The following TPCN2 variants were observed in gnomAD, a reference collection of about 807,000 sequenced individuals.
TPCN2 encodes two pore channel protein 2.
In TPCN2, 92 loss-of-function variants were observed where a neutral mutation model predicts 111.4. That is an observed-to-expected ratio of 0.83 (90% CI 0.70 to 0.98). The LOEUF is 0.98. TPCN2 is among the 50% of genes least tolerant of loss of function. The pLI is 0.00. For missense variants in TPCN2, 995 were observed against 980.1 expected, an observed-to-expected ratio of 1.02 and a Z score of -0.20; for synonymous variants, 405 against 414.5, an observed-to-expected ratio of 0.98 and a Z score of 0.28.
At chr11:69,084,043 G>T (rs772980864) in intron 19 of TPCN2, 27 bp downstream of exon 19, 1 of 1,612,380 alleles carries the variant, frequency 6.2e-7, no homozygotes, top group Non-Finnish European at 8.5e-7. Context: ...TGCTGGTGGC[G>T]GGTTATGCAC....
Position 69,088,161 on chromosome 11 carries a change from G to A in TPCN2, c.*208G>A, listed in dbSNP as rs1006780055. On this transcript the variant is annotated 3_prime_UTR_variant, in exon 25 of 25. Coordinates refer to ENST00000294309, the MANE Select transcript of TPCN2 (RefSeq NM_139075.4). ...ACAGCTGCTGGTGCTTCAGGGAGGC[G>A]CCGTGCCCTCCGCTTTCTTTTATAG... 69 of 550,930 alleles carry A rather than the reference G, an allele frequency of 1.3e-4. 1 individual carries two copies. Among genetic ancestry groups the A allele is most frequent in the Non-Finnish European group, 2.6e-5 (8 of 309,264 alleles). The allele number at this position is 550,930 out of a possible 1,614,324, so 34.1% of individuals were successfully genotyped here.
intron 13 of TPCN2, among the ~76,000 whole-genome samples, chr11:69,074,093 A>G (rs1456833198): frequency 6.6e-6 from 1 of 152,210 alleles, no homozygotes; most frequent in African/African-American, 2.4e-5. Context: ...TTCGAGGGAG[A>G]CAAAATTCAA....
At chr11:69,063,097 C>A in intron 6 of TPCN2, 107 bp downstream of exon 6, 2 of 943,482 alleles carry the variant, frequency 2.1e-6, no homozygotes, top group Non-Finnish European at 3.3e-6. Context: ...GGACTGCGTG[C>A]TCCGCATCCC....
Position 69,054,045 on chromosome 11 carries a change from G to C in TPCN2, c.122G>C (p.Arg41Thr). The C allele has an allele frequency of 1.2e-6, 2 of 1,613,904 alleles. No homozygotes were observed. Among genetic ancestry groups the C allele is most frequent in the Non-Finnish European group, 1.7e-6 (2 of 1,179,968 alleles). The change falls in exon 2 of 25, where the codon AGG (arginine) becomes ACG (threonine). Residue 41 changes from arginine to threonine, a missense_variant. Transcript: ENST00000294309. ...SIQVGPGAAA[R>T]WDLCIDQAVV... ...CCTCTGCCTGCAGGTGCCGCGGCCAGGTGGGACCTCTGCATTGATCAGGCT... is the reference window on the plus strand; with the variant it reads ...CCTCTGCCTGCAGGTGCCGCGGCCACGTGGGACCTCTGCATTGATCAGGCT...
intron 20 of TPCN2, 67 bp downstream of exon 20, chr11:69,085,353 C>T (rs909008941): frequency 4.2e-6 from 6 of 1,428,844 alleles, no homozygotes; most frequent in Middle Eastern, 1.7e-4. Flanking sequence ...GAAGCCTTGG[C>T]GGTGGCCTCA....
intron 1 of TPCN2, among the ~76,000 whole-genome samples, chr11:69,049,822 C>T (rs768519039): frequency 1.3e-5 from 2 of 152,170 alleles, no homozygotes; most frequent in Non-Finnish European, 2.9e-5. Flanking sequence ...TGCGTCCGCC[C>T]CTCGCTGACA....
intron 8 of TPCN2, among the ~76,000 whole-genome samples, chr11:69,068,845 C>A (rs868170649): frequency 1.1e-4 from 1 of 8,902 alleles, no homozygotes; most frequent in Non-Finnish European, 3.7e-4. Flanking sequence ...AGGAAGTGAC[C>A]GCACTGGGAG....
Position 69,072,974 on chromosome 11 carries a change from C to G in TPCN2, c.1203C>G (p.Asn401Lys). The change falls in exon 13 of 25, where the codon AAC becomes AAG. Residue 401 changes from asparagine (N) to lysine (K), a missense_variant. Coordinates refer to ENST00000294309, the MANE Select transcript of TPCN2 (RefSeq NM_139075.4). ...LSAEEFQKLF[N>K]ELDRSVVKEH... ...CTGAGGAGTTTCAGAAGCTCTTCAACGAGCTTGACAGAAGTGTGGTTAAAG... is the reference window on the plus strand; with the variant it reads ...CTGAGGAGTTTCAGAAGCTCTTCAAGGAGCTTGACAGAAGTGTGGTTAAAG... 2 of 1,613,842 alleles carry G rather than the reference C, an allele frequency of 1.2e-6. No homozygotes were observed. Among genetic ancestry groups the G allele is most frequent in the African/African-American group, 1.3e-5 (1 of 75,042 alleles).
chr11:69,055,374 C>G, intron 4 of TPCN2, 22 bp downstream of exon 4: 1 of 1,584,266 alleles, frequency 6.3e-7, no homozygotes, highest in Non-Finnish European at 8.6e-7. Context: ...GCCAGGCCCT[C>G]TACGTGCTGC....
At chr11:69,069,201 G>A (rs1337050043) in intron 8 of TPCN2, among the ~76,000 whole-genome samples, 1 of 140,196 alleles carries the variant, frequency 7.1e-6, no homozygotes, top group Non-Finnish European at 1.5e-5. Context: ...GTGACACAGG[G>A]GGAGCAGGAC....
chr11:69,072,276 GT>G (rs1855571437), intron 11 of TPCN2, among the ~76,000 whole-genome samples: 1 of 152,148 alleles, frequency 6.6e-6, no homozygotes, highest in African/African-American at 2.4e-5. Flanking sequence ...CGGCCTTCTT[GT>G]CCCCCTTTGT....
intron 4 of TPCN2, 130 bp from the exon 5 acceptor site, chr11:69,057,448 T>C (rs1277365094): frequency 2.3e-6 from 2 of 852,248 alleles, no homozygotes; most frequent in Non-Finnish European, 3.9e-6. Context: ...CTGCGTCCCG[T>C]GGGGACCACA....
intron 23 of TPCN2, 43 bp from the exon 24 acceptor site, chr11:69,087,069 C>T (rs2134649827): frequency 6.4e-7 from 1 of 1,565,030 alleles, no homozygotes; most frequent in South Asian, 1.1e-5. Flanking sequence ...AGGCTGCTTT[C>T]ATTCGGGGCC....
chr11:69,074,385 C>T (rs1275548466), intron 13 of TPCN2, among the ~76,000 whole-genome samples: 2 of 152,250 alleles, frequency 1.3e-5, no homozygotes, highest in South Asian at 2.1e-4. Flanking sequence ...TGAATATTCA[C>T]GCCATCAAAC....
Position 69,084,010 on chromosome 11 carries a change from CCTGGTGGTGAGTCCCAGGCTGCTG to C in TPCN2, c.1761+2_1761+25del, listed in dbSNP as rs1035998681. On this transcript the variant is annotated splice_donor_variant and splice_donor_5th_base_variant and coding_sequence_variant and intron_variant, in exon 19 of 25. Coordinates refer to ENST00000294309, the MANE Select transcript of TPCN2 (RefSeq NM_139075.4). LOFTEE classifies it high-confidence loss of function. ...AGAACATGCGTGCGTTTGGCGGGAT[CCTGGTGGTGAGTCCCAGGCTGCTG>C]CTGGTGGCGGGTTATGCACTGGAGT... The C allele has an allele frequency of 6.2e-7, 1 of 1,614,088 alleles. No homozygotes were observed.
rs1036632758 is a variant in TPCN2, at chr11:69,083,970, T to A, written c.1715T>A (p.Val572Asp). ...CTGATGGCCGTGGTGGCCAGTACCG[T>A]CCTGGGCCTGGTGCAGAACATGCGT... Reference protein sequence around the residue: ...MKLMAVVASTVLGLVQNMRAF... With the variant: ...MKLMAVVASTDLGLVQNMRAF... The change falls in exon 19 of 25, where the codon GTC becomes GAC. Residue 572 changes from valine to aspartate, a missense_variant. Physicochemically the swap from Val to Asp is radical, Grantham distance 152. Transcript: ENST00000294309. 1 of 1,614,106 alleles carries A rather than the reference T, an allele frequency of 6.2e-7. No individual in the cohort carries two copies. The highest frequency in any genetic ancestry group is 1.3e-5 in the African/African-American group (1 of 75,022).
intron 18 of TPCN2, among the ~76,000 whole-genome samples, chr11:69,083,001 T>C (rs1565095072): frequency 6.9e-6 from 1 of 145,688 alleles, no homozygotes; most frequent in Non-Finnish European, 1.5e-5. Context: ...GTAAGACGCA[T>C]GATCGTGTGT....
At chr11:69,075,382 A>G (rs1479366694) in intron 13 of TPCN2, among the ~76,000 whole-genome samples, 4 of 152,164 alleles carry the variant, frequency 2.6e-5, no homozygotes, top group African/African-American at 9.7e-5. Flanking sequence ...ATCCTTCCGT[A>G]TACTTTAAGT....
At chr11:69,067,216 G>A (rs2134568660) in intron 7 of TPCN2, among the ~76,000 whole-genome samples, 1 of 152,370 alleles carries the variant, frequency 6.6e-6, no homozygotes, top group South Asian at 2.1e-4. Context: ...GAGGTGGCCT[G>A]AGGGAGGTCA....
Sources: gnomAD v4.1 joint callset for allele counts (sites outside exome capture counted in the v4.1 genomes callset) on GRCh38, gnomAD v4.1.1 for gene constraint, MANE v1.5 for transcripts, NCBI Gene and HGNC (gene_info 2026-07-23, HGNC 2026-07-21) for gene names.